GPM6A: variants seen among roughly 807,000 people sequenced by gnomAD.
GPM6A encodes the protein neuronal membrane glycoprotein M6-a.
In GPM6A, 7 loss-of-function variants were observed where a neutral mutation model predicts 32.1. That is an observed-to-expected ratio of 0.22 (90% confidence interval 0.12 to 0.41). The LOEUF is 0.41. Ranked by LOEUF, GPM6A falls within the 10% of genes least tolerant of loss-of-function variation. The pLI is 1.00. For synonymous variants in GPM6A, 130 were observed against 123.4 expected, an observed-to-expected ratio of 1.05 and a Z score of -0.35; for missense variants, 235 against 347.2, an observed-to-expected ratio of 0.68 and a Z score of 2.57.
At chr4:175,692,013 G>A (rs894697934) in intron 2 of GPM6A, among the ~76,000 whole-genome samples, 2 of 152,144 alleles carry the variant, frequency 1.3e-5, no homozygotes, top group South Asian at 2.1e-4. Flanking sequence ...GCCTCCAGAT[G>A]GAGCACAATT....
intron 1 of GPM6A, among the ~76,000 whole-genome samples, chr4:175,909,044 G>GGT (rs1554000483): frequency 1.0e-4 from 11 of 105,978 alleles, no homozygotes; most frequent in South Asian, 4.0e-4. Flanking sequence ...AAAAAGGGCG[G>GGT]GGGGGGGGCA....
chr4:175,705,187 G>C (rs1236553459), intron 1 of GPM6A, among the ~76,000 whole-genome samples: 1 of 152,102 alleles, frequency 6.6e-6, no homozygotes, highest in African/African-American at 2.4e-5. Flanking sequence ...TTCCAAAATT[G>C]GGTCAACCCA....
chr4:175,738,656 A>G (rs1233112341), intron 1 of GPM6A, among the ~76,000 whole-genome samples: 2 of 152,162 alleles, frequency 1.3e-5, no homozygotes, highest in Non-Finnish European at 2.9e-5. Context: ...GGATGAAAAA[A>G]AATTTTTATA....
intron 1 of GPM6A, chr4:175,907,245 C>G (rs1183005565): frequency 1.3e-5 from 2 of 152,060 alleles, no homozygotes; most frequent in Non-Finnish European, 2.9e-5. Flanking sequence ...ATGCATACAC[C>G]CAAGAGGACT....
intron 1 of GPM6A, among the ~76,000 whole-genome samples, chr4:175,718,776 A>C (rs1466412060): frequency 6.6e-6 from 1 of 152,224 alleles, no homozygotes; most frequent in Non-Finnish European, 1.5e-5. Flanking sequence ...ACTCCACTAC[A>C]CGATTAAATA....
chr4:175,892,155 T>C (rs1737668485), intron 1 of GPM6A, among the ~76,000 whole-genome samples: 2 of 152,206 alleles, frequency 1.3e-5, no homozygotes, highest in African/African-American at 4.8e-5. Context: ...ATTAACCAAA[T>C]GGCATCTTGC....
chr4:175,757,891 C>A (rs890670803), intron 1 of GPM6A, among the ~76,000 whole-genome samples: 1 of 152,108 alleles, frequency 6.6e-6, no homozygotes, highest in African/African-American at 2.4e-5. Context: ...CATGTTTGAA[C>A]AGATTAGCCA....
At chr4:175,881,198 C>T (rs931848114) in intron 1 of GPM6A, among the ~76,000 whole-genome samples, 1 of 152,206 alleles carries the variant, frequency 6.6e-6, no homozygotes, top group Non-Finnish European at 1.5e-5. Flanking sequence ...TGAAAAGACA[C>T]TTCTCAAAAG....
chr4:175,924,224 C>T (rs570436044), intron 1 of GPM6A, among the ~76,000 whole-genome samples: 5 of 152,194 alleles, frequency 3.3e-5, no homozygotes, highest in African/African-American at 7.2e-5. Flanking sequence ...TTATTGCTGA[C>T]GTTCGCCAAA....
At chr4:175,823,707 G>A (rs1031992499) in intron 1 of GPM6A, among the ~76,000 whole-genome samples, 8 of 152,078 alleles carry the variant, frequency 5.3e-5, no homozygotes, top group Non-Finnish European at 1.2e-4. Context: ...TGGTATTTTT[G>A]CTTATACGTT....
chr4:175,874,142 C>T (rs995684415), intron 1 of GPM6A, among the ~76,000 whole-genome samples: 3 of 152,062 alleles, frequency 2.0e-5, no homozygotes, highest in African/African-American at 4.8e-5. Context: ...ATATTCCTTA[C>T]GGCAGGTGGA....
At chr4:175,939,619 C>G (rs1739343092) in intron 1 of GPM6A, among the ~76,000 whole-genome samples, 1 of 152,000 alleles carries the variant, frequency 6.6e-6, no homozygotes, top group Non-Finnish European at 1.5e-5. Flanking sequence ...ATAATATAAC[C>G]ATTATATGTG....
intron 1 of GPM6A, among the ~76,000 whole-genome samples, chr4:175,844,912 C>A (rs941612875): frequency 6.6e-6 from 1 of 151,942 alleles, no homozygotes; most frequent in African/African-American, 2.4e-5. Flanking sequence ...TGAAGAGGGG[C>A]GTAGGTGATA....
chr4:175,762,035 C>G (rs552075172), intron 1 of GPM6A, among the ~76,000 whole-genome samples: 1 of 152,268 alleles, frequency 6.6e-6, no homozygotes, highest in South Asian at 2.1e-4. Flanking sequence ...CTCAGGTAAT[C>G]CAGCCACCTC....
chr4:175,776,797 G>A (rs1257148551), intron 1 of GPM6A, among the ~76,000 whole-genome samples: 1 of 152,068 alleles, frequency 6.6e-6, no homozygotes. Context: ...AAAGGAAGAG[G>A]TATATAAAAT....
chr4:175,660,783 G>GT (rs1471813897), intron 3 of GPM6A, among the ~76,000 whole-genome samples: 4 of 152,080 alleles, frequency 2.6e-5, no homozygotes, highest in African/African-American at 9.7e-5. Context: ...AAAAAATCAA[G>GT]TAAACTGTCA....
intron 1 of GPM6A, among the ~76,000 whole-genome samples, chr4:175,715,901 AC>A (rs199523419): frequency 0.01 from 1,595 of 152,168 alleles, 27 homozygotes; most frequent in African/African-American, 0.036. Flanking sequence ...CCCCATCTCT[AC>A]TAAATATACA....
chr4:175,853,879 G>A (rs1736337602), intron 1 of GPM6A, among the ~76,000 whole-genome samples: 1 of 152,084 alleles, frequency 6.6e-6, no homozygotes, highest in African/African-American at 2.4e-5. Flanking sequence ...CTATCAAAGA[G>A]TATTTATACA....
intron 1 of GPM6A, among the ~76,000 whole-genome samples, chr4:175,747,756 G>T (rs1732166105): frequency 6.6e-6 from 1 of 152,048 alleles, no homozygotes; most frequent in Non-Finnish European, 1.5e-5. Context: ...AGGTTAGGGT[G>T]GCTGTGTCAA....
Sources: gnomAD v4.1 joint callset for allele counts (sites outside exome capture counted in the v4.1 genomes callset) on GRCh38, gnomAD v4.1.1 for gene constraint, MANE v1.5 for transcripts, NCBI Gene and HGNC (gene_info 2026-07-23, HGNC 2026-07-21) for gene names.